Variants in DGKG observed in about 807,000 individuals in gnomAD.
DGKG encodes the protein diacylglycerol kinase gamma.
DGKG carries 78 observed loss-of-function variants against 105.3 expected under a neutral mutation model. The observed-to-expected ratio is 0.74, with a 90% CI of 0.62 to 0.89. The LOEUF (loss-of-function observed/expected upper bound fraction) is 0.89. Ranked by LOEUF, DGKG falls within the 40% of genes least tolerant of loss-of-function variation. The pLI is 0.00. For missense variants in DGKG, 958 were observed against 1,020.1 expected (o/e 0.94, Z 0.83); for synonymous variants, 346 against 367.1 (o/e 0.94, Z 0.66).
At chr3:186,155,426 T>A (rs1240477042) in intron 24 of DGKG, among the ~76,000 whole-genome samples, 1 of 152,186 alleles carries the variant, frequency 6.6e-6, no homozygotes, top group Non-Finnish European at 1.5e-5. Context: ...ACTCCTGACC[T>A]CGTGATCTGC....
At position 186,361,432 on chromosome 3, in the gene DGKG, G is replaced by A. The variant is rs1432951063; in HGVS notation, c.-249+514C>T. Among the ~76,000 whole-genome samples, 3 of 152,086 alleles carry A rather than the reference G, an allele frequency of 2.0e-5. No homozygotes were observed. The highest frequency in any genetic ancestry group is 7.2e-5 in the African/African-American group (3 of 41,418). On this transcript the variant is annotated intron_variant, in intron 1 of 24. Coordinates refer to ENST00000265022, the MANE Select transcript of DGKG (RefSeq NM_001346.3). This position sits in a 1 kb window ranked among gnomAD's most constrained non-coding sequence, Gnocchi z 6.8. ...CCCTCCTTTATTCTCTGAGGTGTCC[G>A]TGTTCGCTTCAGCTTCCCTTTAAGT... is the stretch of plus-strand genomic sequence containing the variant.
At chr3:186,344,524 C>T (rs1269726991) in intron 1 of DGKG, among the ~76,000 whole-genome samples, 1 of 152,022 alleles carries the variant, frequency 6.6e-6, no homozygotes, top group Non-Finnish European at 1.5e-5. Context: ...CAAGTGGGAG[C>T]TAAATGATAA....
intron 2 of DGKG, among the ~76,000 whole-genome samples, chr3:186,307,657 T>C (rs561940496): frequency 1.6e-4 from 24 of 152,368 alleles, no homozygotes; most frequent in African/African-American, 5.8e-4. Context: ...TGGTGAGTCT[T>C]TGTCTATCAT....
At position 186,334,171 on chromosome 3, in the gene DGKG, A is replaced by G. The variant is rs535105137; in HGVS notation, c.-248-13464T>C. The stretch of plus-strand genomic sequence containing the variant: ...CTACTATCTGTTCTATATTAATGCA[A>G]TCCTTAAAATAATCTCTCAAGGTAA... On this transcript the variant is annotated intron_variant, in intron 1 of 24. Transcript: ENST00000265022. Among the ~76,000 whole-genome samples, 3 of 152,224 alleles carry G rather than the reference A, an allele frequency of 2.0e-5. No individual in the cohort carries two copies. In the South Asian group the frequency reaches 6.2e-4, roughly 32 times the overall value.
At chr3:186,294,752 C>G (rs1446895124) in intron 5 of DGKG, among the ~76,000 whole-genome samples, 1 of 144,698 alleles carries the variant, frequency 6.9e-6, no homozygotes, top group African/African-American at 2.9e-5. Context: ...TATGCCTCCT[C>G]TAGTCCATAG....
intron 2 of DGKG, among the ~76,000 whole-genome samples, chr3:186,312,866 C>T (rs1724622163): frequency 6.6e-6 from 1 of 152,218 alleles, no homozygotes; most frequent in African/African-American, 2.4e-5. Flanking sequence ...GTGGGAAGCA[C>T]AGGGGAGAAG....
chr3:186,354,425 G>A (rs1420585200), intron 1 of DGKG, among the ~76,000 whole-genome samples: 1 of 152,234 alleles, frequency 6.6e-6, no homozygotes, highest in East Asian at 1.9e-4. Context: ...TTTCTCTGCA[G>A]ACGACACTGT....
intron 1 of DGKG, among the ~76,000 whole-genome samples, chr3:186,333,101 C>T (rs1453633481): frequency 2.6e-5 from 4 of 152,138 alleles, no homozygotes; most frequent in African/African-American, 4.8e-5. Context: ...TCAGGTATCC[C>T]GTTATAAGCA....
intron 2 of DGKG, among the ~76,000 whole-genome samples, chr3:186,317,137 G>T (rs1276509699): frequency 6.6e-6 from 1 of 152,210 alleles, no homozygotes; most frequent in Non-Finnish European, 1.5e-5. Flanking sequence ...CCCTCCGCCT[G>T]CTCAGCGGCT....
intron 20 of DGKG, among the ~76,000 whole-genome samples, chr3:186,223,113 T>G (rs1228012014): frequency 6.7e-6 from 1 of 149,158 alleles, no homozygotes; most frequent in Admixed American, 6.8e-5. Flanking sequence ...GCCTCATGAT[T>G]CTGAGTTCCA....
Position 186,233,403 on chromosome 3 carries a change from C to A in DGKG, c.1826+9101G>T, listed in dbSNP as rs1389423250. Among the ~76,000 whole-genome samples the A allele has an allele frequency of 5.9e-5, 9 of 152,170 alleles. No individual in the cohort carries two copies. The East Asian group carries it at 1.7e-3, about 29-fold the overall frequency. On this transcript the variant is annotated intron_variant, in intron 20 of 24. Coordinates refer to ENST00000265022, the MANE Select transcript of DGKG (RefSeq NM_001346.3). ...AGAAAGGAATGTAGCCCTGATGGCA[C>A]CTTGATTTTAGCCCGGTGACACCTA...
At chr3:186,235,680 C>A (rs768239571) in intron 20 of DGKG, among the ~76,000 whole-genome samples, 9 of 152,150 alleles carry the variant, frequency 5.9e-5, no homozygotes, top group Non-Finnish European at 1.3e-4. Context: ...AGAGGAAGCC[C>A]TTCCTTTCAT....
intron 5 of DGKG, among the ~76,000 whole-genome samples, chr3:186,289,535 G>A (rs1723223375): frequency 1.3e-5 from 2 of 152,138 alleles, no homozygotes; most frequent in African/African-American, 4.8e-5. Flanking sequence ...TCTGTCCTGT[G>A]GTTCAGAAAT....
At chr3:186,221,590 G>T (rs1719583935) in intron 20 of DGKG, among the ~76,000 whole-genome samples, 1 of 152,220 alleles carries the variant, frequency 6.6e-6, no homozygotes, top group South Asian at 2.1e-4. Context: ...AGGTTCTGTA[G>T]TGATTCCTTA....
At position 186,226,580 on chromosome 3, in the gene DGKG, G is replaced by C. The variant is rs1719872608; in HGVS notation, c.1827-14695C>G. On this transcript the variant is annotated intron_variant, in intron 20 of 24. Coordinates refer to ENST00000265022, the MANE Select transcript of DGKG (RefSeq NM_001346.3). This position sits in a 1 kb window ranked among gnomAD's most constrained non-coding sequence, Gnocchi z 4.2. ...AATAAAAGTTTCACTGAGATCAACA[G>C]TTTGCAGTTTTCATTTACCCAGGAC... Among the ~76,000 whole-genome samples, 1 of 152,232 alleles carries C rather than the reference G, an allele frequency of 6.6e-6. No individual in the cohort carries two copies. Among genetic ancestry groups the C allele is most frequent in the South Asian group, 2.1e-4 (1 of 4,838 alleles).
In DGKG at chr3:186,210,816, G is replaced by A. The variant is rs774330492; in HGVS notation, c.1917+979C>T. ...TGCCTCTTCCACTTATTTTCCTCAA[G>A]TGAAAAGAAGACTACGGGCCTAAAT... On this transcript the variant is annotated intron_variant, in intron 21 of 24. Coordinates refer to ENST00000265022, the MANE Select transcript of DGKG (RefSeq NM_001346.3). This position sits in a 1 kb window ranked among gnomAD's most constrained non-coding sequence, Gnocchi z 5.2. The A allele has an allele frequency of 5.9e-6, 2 of 339,440 alleles. No homozygotes were observed. Among genetic ancestry groups the A allele is most frequent in the Admixed American group, 4.0e-5 (1 of 24,880 alleles). 21.0% of individuals were successfully genotyped at this position (339,440 alleles called of 1,614,324 possible). A position where few individuals can be genotyped will look rare whatever the true frequency, so the allele number is the denominator to read the frequency against.
intron 21 of DGKG, among the ~76,000 whole-genome samples, chr3:186,198,073 C>T (rs757682298): frequency 3.3e-5 from 5 of 152,216 alleles, no homozygotes; most frequent in Non-Finnish European, 7.3e-5. Flanking sequence ...CCTGGCATGT[C>T]TTACCCATAT....
chr3:186,360,529 G>A (rs774163570), intron 1 of DGKG, among the ~76,000 whole-genome samples: 33 of 152,096 alleles, frequency 2.2e-4, no homozygotes, highest in Non-Finnish European at 4.4e-4. Context: ...ATGACAAACA[G>A]TTAAGTACCT....
At chr3:186,186,401 T>C (rs893916343) in intron 22 of DGKG, among the ~76,000 whole-genome samples, 15 of 152,218 alleles carry the variant, frequency 9.9e-5, no homozygotes, top group African/African-American at 3.4e-4. Flanking sequence ...CCTGTAGCAA[T>C]GGTGTTCAAA....
Sources: allele counts gnomAD v4.1 joint callset (sites outside exome capture counted in the v4.1 genomes callset), GRCh38; gene constraint gnomAD v4.1.1; non-coding constraint Gnocchi (gnomAD v3.1); transcripts MANE v1.5; gene names NCBI Gene and HGNC (gene_info 2026-07-23, HGNC 2026-07-21).